B3GALT5: variants seen among roughly 807,000 people sequenced by gnomAD.
B3GALT5 encodes the protein UDP-Gal:betaGlcNAc beta 1,3-galactosyltransferase, polypeptide 5.
For synonymous variants in B3GALT5, 156 were observed against 158.6 expected, an observed-to-expected ratio of 0.98 and a Z score of 0.12; for missense variants, 328 against 396.6, an observed-to-expected ratio of 0.83 and a Z score of 1.47.
chr21:39,645,194 C>T (rs575352357), intron 1 of B3GALT5, among the ~76,000 whole-genome samples: 12 of 152,332 alleles, frequency 7.9e-5, no homozygotes, highest in Admixed American at 5.9e-4. Context: ...CGGAGTCTTA[C>T]TTGGTAACCA....
Position 39,667,185 on chromosome 21 carries a change from C to T in B3GALT5, c.*5693C>T, listed in dbSNP as rs1004756817. On this transcript the variant is annotated 3_prime_UTR_variant, in exon 4 of 4. Coordinates refer to ENST00000684187, the MANE Select transcript of B3GALT5 (RefSeq NM_001356336.2). ...GTGTCATTGCCTATTTAACGAGCTT[C>T]GCAGTGCCCTCAATTTGCTAAGTTA... 2 of 152,210 alleles carry T rather than the reference C, an allele frequency of 1.3e-5. No homozygotes were observed. The highest frequency in any genetic ancestry group is 6.5e-5 in the Admixed American group (1 of 15,290). 9.4% of individuals were successfully genotyped at this position (152,210 alleles called of 1,614,324 possible).
In B3GALT5 at chr21:39,661,330, G is replaced by A. The variant is rs976084340; in HGVS notation, c.771G>A (p.Leu257=). ...GLCLERLNIR[L]EELHSQPTFF... ...GCCTCGAAAGGCTGAACATCAGATT[G>A]GAGGAGCTCCACTCCCAGCCGACCT... Residue 257 remains leucine, a synonymous_variant, in exon 4 of 4, where the codon TTG becomes TTA. Coordinates refer to ENST00000684187, the MANE Select transcript of B3GALT5 (RefSeq NM_001356336.2). The surrounding 1 kb of genome is among the most constrained non-coding windows in gnomAD (Gnocchi z 4.7). 13 of 1,613,826 alleles carry A rather than the reference G, an allele frequency of 8.1e-6. No individual in the cohort carries two copies. Among genetic ancestry groups the A allele is most frequent in the Non-Finnish European group, 1.1e-5 (13 of 1,179,924 alleles).
intron 2 of B3GALT5, among the ~76,000 whole-genome samples, chr21:39,658,355 A>G (rs1396394918): frequency 1.3e-5 from 2 of 152,182 alleles, no homozygotes; most frequent in East Asian, 3.9e-4. Flanking sequence ...AGCCCTGTGA[A>G]GGGTCCTGAG....
Position 39,639,400 on chromosome 21 carries a change from T to TTCTCTTTCTTTCTTTCTTTC in B3GALT5, c.-391-6991_-391-6990insCTCTTTCTTTCTTTCTTTCT, listed in dbSNP as rs1339331444. Among the ~76,000 whole-genome samples, 43 of 57,188 alleles carry TTCTCTTTCTTTCTTTCTTTC rather than the reference T, an allele frequency of 7.5e-4. 2 individuals carry two copies. The highest frequency in any genetic ancestry group is 2.7e-3 in the South Asian group (4 of 1,494). 37.5% of individuals were successfully genotyped at this position (57,188 alleles called of 152,430 possible). ...CTTCCTTCCTTCCTTCCTTCTTTCT[T>TTCTCTTTCTTTCTTTCTTTC]TTTCTTTCTTTCTTTCTTTCTTTCT... On this transcript the variant is annotated intron_variant, in intron 1 of 3. Transcript: ENST00000684187.
chr21:39,650,035 C>A (rs1451621447), intron 2 of B3GALT5, among the ~76,000 whole-genome samples: 1 of 152,108 alleles, frequency 6.6e-6, no homozygotes, highest in Non-Finnish European at 1.5e-5. Flanking sequence ...CTGAACCCCG[C>A]AAAGATTTGT....
At chr21:39,643,158 G>A (rs2079305252) in intron 1 of B3GALT5, among the ~76,000 whole-genome samples, 1 of 152,310 alleles carries the variant, frequency 6.6e-6, no homozygotes, top group East Asian at 1.9e-4. Context: ...TACTAAACTG[G>A]ACTCAATGGG....
chr21:39,661,232 G>A lies in B3GALT5; in HGVS notation c.673G>A (p.Val225Met), dbSNP rs144752439. The change falls in exon 4 of 4, where the codon GTG (valine) becomes ATG (methionine). Residue 225 changes from valine (V) to methionine (M), a missense_variant. By Grantham distance (21) the Val-to-Met change is conservative (BLOSUM62 1). Coordinates refer to ENST00000684187, the MANE Select transcript of B3GALT5 (RefSeq NM_001356336.2). This position sits in a 1 kb window ranked among gnomAD's most constrained non-coding sequence, Gnocchi z 4.7. ...CACCGGCTACGTGTTTTCTGGCGAC[G>A]TGGCGAGTCAGGTGTACAATGTCTC... is the stretch of plus-strand genomic sequence containing the variant. The part of the protein sequence containing the change: ...SGTGYVFSGD[V>M]ASQVYNVSKS... 2.1e-5 allele frequency: 34 copies of A among 1,614,170 alleles called. No homozygotes were observed. The highest frequency in any genetic ancestry group is 2.6e-5 in the Non-Finnish European group (31 of 1,180,052).
Position 39,661,760 on chromosome 21 carries a change from T to A in B3GALT5, c.*268T>A. 3.0e-6 allele frequency: 1 copy of A among 334,206 alleles called. No homozygotes were observed. Among genetic ancestry groups the A allele is most frequent in the Non-Finnish European group, 5.7e-6 (1 of 174,512 alleles). The allele number at this position is 334,206 out of a possible 1,614,324, so 20.7% of individuals were successfully genotyped here. On this transcript the variant is annotated 3_prime_UTR_variant, in exon 4 of 4. Transcript: ENST00000684187. The surrounding 1 kb of genome is among the most constrained non-coding windows in gnomAD (Gnocchi z 4.7). ...TTTCAGGGGTCAGTATCCTATGACA[T>A]GATGGGTGTTACCATCCTAATTTTA...
intron 1 of B3GALT5, among the ~76,000 whole-genome samples, chr21:39,639,347 T>TTTCTTTCCTTCCTTCC (rs762994044): frequency 1.0e-4 from 7 of 66,766 alleles, no homozygotes; most frequent in South Asian, 5.5e-4. Flanking sequence ...TCTTTCTTTC[T>TTTCTTTCCTTCCTTCC]TTCCTTCCTT....
chr21:39,640,879 A>G (rs1475116801), intron 1 of B3GALT5, among the ~76,000 whole-genome samples: 1 of 152,076 alleles, frequency 6.6e-6, no homozygotes, highest in African/African-American at 2.4e-5. Context: ...AGCTGGAACA[A>G]TGGGCACATG....
intron 2 of B3GALT5, among the ~76,000 whole-genome samples, chr21:39,656,234 C>T (rs1444375217): frequency 1.3e-5 from 2 of 152,148 alleles, no homozygotes; most frequent in Admixed American, 6.5e-5. Context: ...GTTCCTTCTG[C>T]GTTCCTGGTG....
chr21:39,623,059 T>C (rs2079142182), intron 1 of B3GALT5, among the ~76,000 whole-genome samples: 1 of 151,956 alleles, frequency 6.6e-6, no homozygotes, highest in Non-Finnish European at 1.5e-5. Context: ...TTCTTTTCTT[T>C]TCTTTTCTTT....
At chr21:39,614,911 C>T (rs1322759778) in intron 1 of B3GALT5, among the ~76,000 whole-genome samples, 2 of 152,198 alleles carry the variant, frequency 1.3e-5, no homozygotes, top group African/African-American at 2.4e-5. Context: ...TGAAAAGCTG[C>T]CTGGGCTTTA....
rs770872324 is a variant in B3GALT5 at position 39,661,807 on chromosome 21, C to T, written c.*315C>T. 3.5e-5 allele frequency: 8 copies of T among 226,282 alleles called. No homozygotes were observed. The highest frequency in any genetic ancestry group is 1.1e-4 in the Admixed American group (2 of 18,302). 14.0% of individuals were successfully genotyped at this position (226,282 alleles called of 1,614,324 possible). ...TTTACAGGCAAGGACACAGCAGCTGCGAGAGGTACAGAAACTTGTCCCAAG... is the reference window on the plus strand; with the variant it reads ...TTTACAGGCAAGGACACAGCAGCTGTGAGAGGTACAGAAACTTGTCCCAAG... On this transcript the variant is annotated 3_prime_UTR_variant, in exon 4 of 4. Transcript: ENST00000684187. The surrounding 1 kb of genome is among the most constrained non-coding windows in gnomAD (Gnocchi z 4.7).
At chr21:39,627,482 AGTGTTAACAAG>A in intron 1 of B3GALT5, among the ~76,000 whole-genome samples, 1 of 152,294 alleles carries the variant, frequency 6.6e-6, no homozygotes, top group East Asian at 1.9e-4. Context: ...GCAGAGAGGA[AGTGTTAACAAG>A]GTGCCACTGT....
intron 1 of B3GALT5, among the ~76,000 whole-genome samples, chr21:39,623,259 C>G (rs2079147115): frequency 7.6e-6 from 1 of 131,966 alleles, no homozygotes; most frequent in African/African-American, 2.8e-5. Context: ...TCCTTCCTTC[C>G]TTCCTTCCTT....
intron 1 of B3GALT5, among the ~76,000 whole-genome samples, chr21:39,616,319 A>C (rs1284594651): frequency 2.6e-5 from 4 of 152,028 alleles, no homozygotes; most frequent in African/African-American, 9.7e-5. Flanking sequence ...TTTGGTGATC[A>C]CTGTGCTTCC....
chr21:39,621,706 T>C lies in B3GALT5; in HGVS notation c.-392+8639T>C, dbSNP rs117939499. Among the ~76,000 whole-genome samples the C allele has an allele frequency of 2.5e-3, 379 of 152,286 alleles. 7 individuals are homozygous for C. In the East Asian group the frequency reaches 0.031, roughly 12 times the overall value. On this transcript the variant is annotated intron_variant, in intron 1 of 3. Transcript: ENST00000684187. ...TTGAAATTTATTGGCATAAAATTGT[T>C]CATAGTATTTTCTTATGATTTAACA...
intron 1 of B3GALT5, among the ~76,000 whole-genome samples, chr21:39,626,286 C>T (rs1235793385): frequency 1.1e-4 from 16 of 152,176 alleles, no homozygotes. Context: ...AATAGTATTT[C>T]ACTGTGTGTA....
Sources: allele counts gnomAD v4.1 joint callset (sites outside exome capture counted in the v4.1 genomes callset), GRCh38; gene constraint gnomAD v4.1.1; non-coding constraint Gnocchi (gnomAD v3.1); transcripts MANE v1.5; gene names NCBI Gene and HGNC (gene_info 2026-07-23, HGNC 2026-07-21).